HOXC10: variants seen among roughly 807,000 people sequenced by gnomAD.
HOXC10 encodes the protein homeobox C10.
In HOXC10, 15 loss-of-function variants were observed where a neutral mutation model predicts 26.0. The ratio of observed to expected loss-of-function variants is 0.58; its 90% CI spans 0.39 to 0.89. The LOEUF (loss-of-function observed/expected upper bound fraction) is 0.89. HOXC10 is among the 40% of genes least tolerant of loss of function. The pLI is 0.00. For missense variants in HOXC10, 446 were observed against 451.9 expected, an observed-to-expected ratio of 0.99 and a Z score of 0.12; for synonymous variants, 196 against 185.5, an observed-to-expected ratio of 1.06 and a Z score of -0.46.
intron 1 of HOXC10, among the ~76,000 whole-genome samples, chr12:53,987,114 T>C (rs1939449423): frequency 6.6e-6 from 1 of 152,174 alleles, no homozygotes; most frequent in Non-Finnish European, 1.5e-5. Context: ...TGACAGTATA[T>C]AAGGGGCTCA....
At position 53,989,716 on chromosome 12, in the gene HOXC10, G is replaced by A. The variant is rs4237810; in HGVS notation, c.*270G>A. 466,659 of 472,674 alleles carry A rather than the reference G, an allele frequency of 0.99. 230,644 individuals carry two copies. Among genetic ancestry groups the A allele is most frequent in the East Asian group, 1 (28,218 of 28,218 alleles). The allele number at this position is 472,674 out of a possible 1,614,324, so 29.3% of individuals were successfully genotyped here. On this transcript the variant is annotated 3_prime_UTR_variant, in exon 2 of 2. Transcript: ENST00000303460. ...GGAGTGTGGCTGGTGTGTGTGTCAA[G>A]CCCTCACTCACCCACGCACTCACAC...
chr12:53,987,947 T>A (rs544621713), intron 1 of HOXC10, among the ~76,000 whole-genome samples: 2 of 152,248 alleles, frequency 1.3e-5, no homozygotes, highest in East Asian at 1.9e-4. Flanking sequence ...CAGATTTTTT[T>A]AGACTGCAAC....
Position 53,989,416 on chromosome 12 carries a change from G to T in HOXC10, c.999G>T (p.Arg333=), listed in dbSNP as rs771497248. The T allele has an allele frequency of 1.2e-6, 2 of 1,613,480 alleles. No homozygotes were observed. Among genetic ancestry groups the T allele is most frequent in the Non-Finnish European group, 1.7e-6 (2 of 1,179,772 alleles). The change falls in exon 2 of 2, where the codon CGG becomes CGT. Residue 333 remains arginine, a synonymous_variant. Transcript: ENST00000303460. Reference sequence around the variant, plus strand: ...AAATGAACCGAGAGAATCGGATCCGGGAACTGACCTCCAATTTTAATTTCA... The same window carrying T: ...AAATGAACCGAGAGAATCGGATCCGTGAACTGACCTCCAATTTTAATTTCA... ...LKKMNRENRI[R]ELTSNFNFT
Position 53,985,604 on chromosome 12 carries a change from C to G in HOXC10, c.345C>G (p.Ser115Arg). ...AGGAGAATGTCTGCTGCATGTACAG[C>G]GCAGAGAAGCGGGCGAAAAGTGGCC... ...VKEENVCCMY[S>R]AEKRAKSGPE... Residue 115 changes from serine (S) to arginine (R), a missense_variant, in exon 1 of 2, where the codon AGC becomes AGG. By Grantham distance (110) the Ser-to-Arg change is moderately radical (BLOSUM62 -1). Transcript: ENST00000303460. 1 of 1,613,862 alleles carries G rather than the reference C, an allele frequency of 6.2e-7. No homozygotes were observed. The highest frequency in any genetic ancestry group is 8.5e-7 in the Non-Finnish European group (1 of 1,180,032).
In HOXC10 at chr12:53,985,329, C is replaced by A. The variant is rs750422553; in HGVS notation, c.70C>A (p.Arg24Ser). The A allele has an allele frequency of 2.5e-6, 4 of 1,610,684 alleles. No homozygotes were observed. The highest frequency in any genetic ancestry group is 4.5e-5 in the East Asian group (2 of 44,794). ...EPLAAPGGGE[R>S]YSRSAGMYMQ... ...CTTGGCTGCGCCCGGCGGAGGAGAG[C>A]GCTATAGCCGGAGCGCAGGCATGTA... The change falls in exon 1 of 2, where the codon CGC becomes AGC. Residue 24 changes from arginine to serine, a missense_variant. By Grantham distance (110) the Arg-to-Ser change is moderately radical. Coordinates refer to ENST00000303460, the MANE Select transcript of HOXC10 (RefSeq NM_017409.4).
intron 1 of HOXC10, among the ~76,000 whole-genome samples, chr12:53,987,857 C>T (rs940714667): frequency 1.1e-4 from 17 of 152,106 alleles, no homozygotes; most frequent in Middle Eastern, 3.4e-3. Context: ...ATAAACAGGA[C>T]GTAGTTAGAT....
Position 53,985,641 on chromosome 12 carries a change from C to T in HOXC10, c.382C>T (p.Leu128Phe), listed in dbSNP as rs1435100515. The T allele has an allele frequency of 1.2e-6, 2 of 1,613,658 alleles. No individual in the cohort carries two copies. Among genetic ancestry groups the T allele is most frequent in the Non-Finnish European group, 1.7e-6 (2 of 1,179,990 alleles). Residue 128 changes from leucine (L) to phenylalanine (F), a missense_variant, in exon 1 of 2, where the codon CTC becomes TTC. Physicochemically the swap from Leu to Phe is conservative, Grantham distance 22. Transcript: ENST00000303460. ...GGCGAAAAGTGGCCCCGAGGCAGCT[C>T]TCTACTCCCACCCCTTGCCGGAGTC... Reference protein sequence around the residue: ...KRAKSGPEAALYSHPLPESCL... With the variant: ...KRAKSGPEAAFYSHPLPESCL...
At position 53,989,732 on chromosome 12, in the gene HOXC10, G is replaced by A. The variant is rs532742861; in HGVS notation, c.*286G>A. 1.9e-5 allele frequency: 8 copies of A among 431,854 alleles called. No individual in the cohort carries two copies. In the Middle Eastern group the frequency reaches 1.8e-3, roughly 98 times the overall value. 26.8% of individuals were successfully genotyped at this position (431,854 alleles called of 1,614,324 possible). A position where few individuals can be genotyped will look rare whatever the true frequency, so the allele number is the denominator to read the frequency against. ...GTGTGTCAAGCCCTCACTCACCCAC[G>A]CACTCACACACAGCATTCTGTTCTC... On this transcript the variant is annotated 3_prime_UTR_variant, in exon 2 of 2. Transcript: ENST00000303460.
rs767403492 is a variant in HOXC10, at chr12:53,985,399, G to A, written c.140G>A (p.Cys47Tyr). ...TTCAATTGCGGGGTGATGAGGGGCT[G>A]CGGGCTCGCGCCCTCGCTCTCCAAG... Reference protein sequence around the residue: ...SDFNCGVMRGCGLAPSLSKRD... With the variant: ...SDFNCGVMRGYGLAPSLSKRD... Residue 47 changes from cysteine (C) to tyrosine (Y), a missense_variant, in exon 1 of 2, where the codon TGC becomes TAC. Transcript: ENST00000303460. 4.3e-6 allele frequency: 7 copies of A among 1,613,416 alleles called. No homozygotes were observed. Among genetic ancestry groups the A allele is most frequent in the Non-Finnish European group, 5.1e-6 (6 of 1,179,978 alleles).
At position 53,989,451 on chromosome 12, in the gene HOXC10, G is replaced by C. The variant is rs761476104; in HGVS notation, c.*5G>C. On this transcript the variant is annotated 3_prime_UTR_variant, in exon 2 of 2. Coordinates refer to ENST00000303460, the MANE Select transcript of HOXC10 (RefSeq NM_017409.4). ...TCCAATTTTAATTTCACCTGAGAGC[G>C]CGGCCTCTCCTCCTCCCTTCCCGCT... 3.7e-6 allele frequency: 6 copies of C among 1,608,920 alleles called. No individual in the cohort carries two copies. Among genetic ancestry groups the C allele is most frequent in the Middle Eastern group, 1.7e-4 (1 of 6,046 alleles).
In HOXC10 at chr12:53,985,869, T is replaced by C; in HGVS notation, c.610T>C (p.Ser204Pro). Residue 204 changes from serine (S) to proline (P), a missense_variant, in exon 1 of 2, where the codon TCC becomes CCC. By Grantham distance (74) the Ser-to-Pro change is moderately conservative (BLOSUM62 -1). Transcript: ENST00000303460. ...AGTGAGTTTCCCTGAGACCCCCAAG[T>C]CCGACAGCCAGACCCCCAGCCCCAA... ...GKVSFPETPK[S>P]DSQTPSPNEI... 2 of 1,613,708 alleles carry C rather than the reference T, an allele frequency of 1.2e-6. No individual in the cohort carries two copies. Among genetic ancestry groups the C allele is most frequent in the Non-Finnish European group, 1.7e-6 (2 of 1,179,984 alleles).
In HOXC10 at chr12:53,989,772, A is replaced by T. The variant is rs2136386115; in HGVS notation, c.*326A>T. The stretch of plus-strand genomic sequence containing the variant: ...ATTCTGTTCTCCATGCAAAGTTAAG[A>T]TCGAATCCATCCGCTTGTAGGGGAA... On this transcript the variant is annotated 3_prime_UTR_variant, in exon 2 of 2. Transcript: ENST00000303460. 3.4e-6 allele frequency: 1 copy of T among 293,330 alleles called. No homozygotes were observed. The highest frequency in any genetic ancestry group is 6.2e-5 in the East Asian group (1 of 16,184). The allele number at this position is 293,330 out of a possible 1,614,324, so 18.2% of individuals were successfully genotyped here.
In HOXC10 at chr12:53,985,406, C is replaced by A; in HGVS notation, c.147C>A (p.Leu49=). Residue 49 remains leucine (L), a synonymous_variant, in exon 1 of 2, where the codon CTC becomes CTA. Transcript: ENST00000303460. ...FNCGVMRGCG[L]APSLSKRDEG... ...GCGGGGTGATGAGGGGCTGCGGGCT[C>A]GCGCCCTCGCTCTCCAAGAGGGACG... The A allele has an allele frequency of 1.2e-6, 2 of 1,613,216 alleles. No homozygotes were observed. Among genetic ancestry groups the A allele is most frequent in the Non-Finnish European group, 1.7e-6 (2 of 1,179,908 alleles).
At chr12:53,986,123 G>A (rs1939431158) in intron 1 of HOXC10, 113 bp downstream of exon 1, 1 of 1,141,826 alleles carries the variant, frequency 8.8e-7, no homozygotes, top group African/African-American at 1.6e-5. Context: ...ACCATTTCGG[G>A]AATGCGACCC....
Position 53,985,546 on chromosome 12 carries a change from T to C in HOXC10, c.287T>C (p.Leu96Pro). ...YRLEQPVGRPLSSCSYPPSVK... is the reference protein window; with the variant it reads ...YRLEQPVGRPPSSCSYPPSVK... ...CTGGAACAACCTGTTGGCAGGCCGC[T>C]GTCCTCCTGCTCCTACCCACCTAGT... Residue 96 changes from leucine to proline, a missense_variant, in exon 1 of 2, where the codon CTG becomes CCG. Leu to Pro is a moderately conservative substitution (Grantham distance 98). Transcript: ENST00000303460. 1 of 1,613,916 alleles carries C rather than the reference T, an allele frequency of 6.2e-7. No homozygotes were observed. Among genetic ancestry groups the C allele is most frequent in the Non-Finnish European group, 8.5e-7 (1 of 1,180,038 alleles).
In HOXC10 at chr12:53,985,511, C is replaced by T. The variant is rs33927265; in HGVS notation, c.252C>T (p.Ala84=). The change falls in exon 1 of 2, where the codon GCC becomes GCT. Residue 84 remains alanine, a synonymous_variant. Transcript: ENST00000303460. The part of the protein sequence containing the change: ...SQLDSWGDPK[A]AYRLEQPVGR... ...TGGACTCCTGGGGCGACCCCAAAGC[C>T]GCCTATCGCCTGGAACAACCTGTTG... 9.2e-3 allele frequency: 14,868 copies of T among 1,613,868 alleles called. 95 individuals are homozygous for T. The highest frequency in any genetic ancestry group is 0.011 in the Non-Finnish European group (13,324 of 1,180,046).
chr12:53,985,646 C>G lies in HOXC10; in HGVS notation c.387C>G (p.Tyr129Ter). The change falls in exon 1 of 2, where the codon TAC becomes TAG. Residue 129 changes from tyrosine to a stop codon, truncating the protein, a stop_gained. Transcript: ENST00000303460. LOFTEE classifies it high-confidence loss of function. ...RAKSGPEAAL[Y>*]SHPLPESCLG... ...AAAGTGGCCCCGAGGCAGCTCTCTA[C>G]TCCCACCCCTTGCCGGAGTCCTGCC... 6.2e-7 allele frequency: 1 copy of G among 1,613,638 alleles called. No homozygotes were observed. Among genetic ancestry groups the G allele is most frequent in the Non-Finnish European group, 8.5e-7 (1 of 1,179,872 alleles).
intron 1 of HOXC10, chr12:53,986,374 A>T (rs574818321): frequency 5.1e-6 from 1 of 194,448 alleles, no homozygotes; most frequent in African/African-American, 2.3e-5. Context: ...GACGTCCCCC[A>T]GCTCAGGTCA....
rs746157950 is a variant in HOXC10, at chr12:53,985,418, C to T, written c.159C>T (p.Leu53=). 4 of 1,612,940 alleles carry T rather than the reference C, an allele frequency of 2.5e-6. No individual in the cohort carries two copies. The Admixed American group carries it at 6.7e-5, about 27-fold the overall frequency. ...VMRGCGLAPS[L]SKRDEGSSPS... ...GGGGCTGCGGGCTCGCGCCCTCGCT[C>T]TCCAAGAGGGACGAGGGCAGCAGCC... Residue 53 remains leucine (L), a synonymous_variant, in exon 1 of 2, where the codon CTC becomes CTT. Transcript: ENST00000303460.
Sources: gnomAD v4.1 joint callset for allele counts (sites outside exome capture counted in the v4.1 genomes callset) on GRCh38, gnomAD v4.1.1 for gene constraint, MANE v1.5 for transcripts, NCBI Gene and HGNC (gene_info 2026-07-23, HGNC 2026-07-21) for gene names.